PLGRKT: variants seen among roughly 807,000 people sequenced by gnomAD.
PLGRKT encodes plasminogen receptor with a C-terminal lysine.
In PLGRKT, 22 loss-of-function variants were observed where a neutral mutation model predicts 18.5. The ratio of observed to expected loss-of-function variants is 1.19; its 90% CI spans 0.85 to 1.70. The LOEUF is 1.70. Ranked by LOEUF, PLGRKT falls within the 40% of genes most tolerant of loss-of-function variation. The pLI, the probability that PLGRKT is intolerant of heterozygous loss-of-function variation, is 0.00. For synonymous variants in PLGRKT, 72 were observed against 52.8 expected (o/e 1.36, Z -1.58); for missense variants, 235 against 174.4 (o/e 1.35, Z -1.96).
At chr9:5,410,444 G>A (rs906231854) in intron 3 of PLGRKT, among the ~76,000 whole-genome samples, 1 of 151,246 alleles carries the variant, frequency 6.6e-6, no homozygotes, top group African/African-American at 2.4e-5. Context: ...GTGAGCAGTG[G>A]GCCAAGATCG....
intron 3 of PLGRKT, among the ~76,000 whole-genome samples, chr9:5,380,616 T>C (rs1403974261): frequency 1.3e-5 from 2 of 152,158 alleles, no homozygotes; most frequent in Non-Finnish European, 2.9e-5. Context: ...TTTACTGAAC[T>C]TTTACCTTCA....
chr9:5,400,959 G>A (rs1689439341), intron 3 of PLGRKT, among the ~76,000 whole-genome samples: 1 of 151,758 alleles, frequency 6.6e-6, no homozygotes, highest in Admixed American at 6.6e-5. Context: ...TGGGGTGTTG[G>A]GAAACTTTAT....
chr9:5,405,366 G>A lies in PLGRKT; in HGVS notation c.81+26531C>T, dbSNP rs537699899. On this transcript the variant is annotated intron_variant, in intron 3 of 5. Transcript: ENST00000223864. ...TACCTGACTTCAAACTATACTACAA[G>A]GTTACAGTAATCAAAACAGCATGGT... is the stretch of plus-strand genomic sequence containing the variant. 1.6e-4 allele frequency among the ~76,000 whole-genome samples: 24 copies of A among 152,236 alleles called. No homozygotes were observed. In the South Asian group the frequency reaches 4.4e-3, roughly 28 times the overall value.
chr9:5,387,699 T>A (rs535250332), intron 3 of PLGRKT, among the ~76,000 whole-genome samples: 1 of 151,896 alleles, frequency 6.6e-6, no homozygotes, highest in African/African-American at 2.4e-5. Context: ...TATCTTTTGA[T>A]CTGGGTGTTA....
chr9:5,414,975 T>C (rs529897833), intron 3 of PLGRKT, among the ~76,000 whole-genome samples: 5 of 152,358 alleles, frequency 3.3e-5, no homozygotes, highest in Admixed American at 6.5e-5. Context: ...CATGGGTTCA[T>C]ATACATACAT....
chr9:5,382,717 G>C (rs1237078213), intron 3 of PLGRKT, among the ~76,000 whole-genome samples: 2 of 152,232 alleles, frequency 1.3e-5, no homozygotes, highest in African/African-American at 4.8e-5. Context: ...GCCGCCCTGT[G>C]AGGAATAGAG....
In PLGRKT at chr9:5,418,481, AC is replaced by A; in HGVS notation, c.81+13415del. The A allele has an allele frequency of 1.8e-6, 2 of 1,100,790 alleles. No individual in the cohort carries two copies. Among genetic ancestry groups the A allele is most frequent in the Non-Finnish European group, 2.8e-6 (2 of 718,896 alleles). The allele number at this position is 1,100,790 out of a possible 1,614,324, so 68.2% of individuals were successfully genotyped here. A position where few individuals can be genotyped will look rare whatever the true frequency, so the allele number is the denominator to read the frequency against. On this transcript the variant is annotated intron_variant, in intron 3 of 5. Transcript: ENST00000223864. The surrounding 1 kb of genome is among the most constrained non-coding windows in gnomAD (Gnocchi z 4.2). The stretch of plus-strand genomic sequence containing the variant: ...ACCAAGATGACAGTGCACACCCTCA[AC>A]CACATGGAGCTTTTCACCATGCCCC...
Position 5,418,242 on chromosome 9 carries a change from C to A in PLGRKT, c.81+13655G>T. 1 of 364,890 alleles carries A rather than the reference C, an allele frequency of 2.7e-6. No homozygotes were observed. Among genetic ancestry groups the A allele is most frequent in the East Asian group, 5.8e-5 (1 of 17,122 alleles). 22.6% of individuals were successfully genotyped at this position (364,890 alleles called of 1,614,324 possible). ...GTCTGTCTTGCGGTAAATCAAGAGG[C>A]AAACCAGAGGCCAGCTCTCAGCACC... On this transcript the variant is annotated intron_variant, in intron 3 of 5. Coordinates refer to ENST00000223864, the MANE Select transcript of PLGRKT (RefSeq NM_018465.4). The surrounding 1 kb of genome is among the most constrained non-coding windows in gnomAD (Gnocchi z 4.2).
At chr9:5,401,608 A>G (rs1818155588) in intron 3 of PLGRKT, among the ~76,000 whole-genome samples, 1 of 151,924 alleles carries the variant, frequency 6.6e-6, no homozygotes, top group Admixed American at 6.6e-5. Flanking sequence ...TCCATCTAAA[A>G]ACAATATATA....
rs71326158 is a variant in PLGRKT, at chr9:5,371,986, C to CTTTTTTTTT, written c.82-10107_82-10099dup. ...CTGCAAAAAACAATATCAGAAAATC[C>CTTTTTTTTT]TTTTTTTTTTTTTGATATGGAGTCT... is the stretch of plus-strand genomic sequence containing the variant. On this transcript the variant is annotated intron_variant, in intron 3 of 5. Transcript: ENST00000223864. Among the ~76,000 whole-genome samples, 91 of 89,120 alleles carry CTTTTTTTTT rather than the reference C, an allele frequency of 1.0e-3. 11 individuals are homozygous for CTTTTTTTTT. Among genetic ancestry groups the CTTTTTTTTT allele is most frequent in the African/African-American group, 2.8e-3 (55 of 19,526 alleles). The allele number at this position is 89,120 out of a possible 152,430, so 58.5% of individuals were successfully genotyped here.
intron 3 of PLGRKT, among the ~76,000 whole-genome samples, chr9:5,377,413 A>G (rs1197814898): frequency 6.6e-6 from 1 of 152,154 alleles, no homozygotes; most frequent in Non-Finnish European, 1.5e-5. Context: ...AAAAGGAAAA[A>G]TGTAAGCAGG....
intron 3 of PLGRKT, among the ~76,000 whole-genome samples, chr9:5,364,470 C>A (rs1208055571): frequency 6.6e-6 from 1 of 152,168 alleles, no homozygotes; most frequent in Non-Finnish European, 1.5e-5. Context: ...TAAAACTTTA[C>A]AGCACAGAGT....
intron 3 of PLGRKT, among the ~76,000 whole-genome samples, chr9:5,375,699 A>G (rs1817614089): frequency 6.6e-6 from 1 of 152,228 alleles, no homozygotes. Context: ...ACAGAAAATA[A>G]CCACTGTTGG....
At chr9:5,391,038 G>A (rs1349326687) in intron 3 of PLGRKT, among the ~76,000 whole-genome samples, 1 of 151,862 alleles carries the variant, frequency 6.6e-6, no homozygotes, top group Non-Finnish European at 1.5e-5. Context: ...GATTTTCTAA[G>A]AACAATTAAA....
intron 3 of PLGRKT, among the ~76,000 whole-genome samples, chr9:5,401,048 T>C (rs748868870): frequency 1.3e-5 from 2 of 151,888 alleles, no homozygotes; most frequent in Non-Finnish European, 2.9e-5. Context: ...ATTTTTACTT[T>C]AAAATTTTAC....
At chr9:5,431,191 T>C (rs576719345) in intron 3 of PLGRKT, among the ~76,000 whole-genome samples, 9 of 152,324 alleles carry the variant, frequency 5.9e-5, no homozygotes, top group African/African-American at 2.2e-4. Flanking sequence ...GCCAGCAGTG[T>C]AGCATCTTCA....
intron 2 of PLGRKT, among the ~76,000 whole-genome samples, chr9:5,433,194 G>A (rs1485012423): frequency 5.5e-5 from 8 of 146,398 alleles, no homozygotes; most frequent in African/African-American, 1.3e-4. Flanking sequence ...CCGCCACCCC[G>A]TCTAGGAAGT....
chr9:5,415,709 T>C (rs1383307371), intron 3 of PLGRKT, among the ~76,000 whole-genome samples: 1 of 151,988 alleles, frequency 6.6e-6, no homozygotes, highest in Non-Finnish European at 1.5e-5. Context: ...TTAAGAAAAA[T>C]AAGCAAAAAC....
intron 3 of PLGRKT, among the ~76,000 whole-genome samples, chr9:5,389,428 G>A (rs1015467719): frequency 8.6e-5 from 13 of 151,800 alleles, no homozygotes; most frequent in Admixed American, 1.3e-4. Context: ...AGAACATGAC[G>A]GTCTAGCTGA....
Sources: allele counts gnomAD v4.1 joint callset (sites outside exome capture counted in the v4.1 genomes callset), GRCh38; gene constraint gnomAD v4.1.1; non-coding constraint Gnocchi (gnomAD v3.1); transcripts MANE v1.5; gene names NCBI Gene and HGNC (gene_info 2026-07-23, HGNC 2026-07-21).